The following SLC24A3 variants were observed in gnomAD, a reference collection of about 807,000 sequenced individuals.
The protein encoded by SLC24A3 is sodium/potassium/calcium exchanger 3.
SLC24A3 carries 28 observed loss-of-function variants against 75.8 expected under a neutral mutation model. The ratio of observed to expected loss-of-function variants is 0.37; its 90% CI spans 0.27 to 0.51. The LOEUF (loss-of-function observed/expected upper bound fraction) is 0.51. SLC24A3 is among the 20% of genes least tolerant of loss of function. The pLI is 0.94. For missense variants in SLC24A3, 663 were observed against 847.8 expected, an observed-to-expected ratio of 0.78 and a Z score of 2.71; for synonymous variants, 372 against 334.1, an observed-to-expected ratio of 1.11 and a Z score of -1.24.
At chr20:19,563,356 C>T (rs989696001) in intron 3 of SLC24A3, among the ~76,000 whole-genome samples, 1 of 152,060 alleles carries the variant, frequency 6.6e-6, no homozygotes, top group African/African-American at 2.4e-5. Context: ...CAAGAAGTTG[C>T]CTGCTTGAGA....
chr20:19,243,122 A>G (rs1385898612), intron 1 of SLC24A3, among the ~76,000 whole-genome samples: 1 of 152,140 alleles, frequency 6.6e-6, no homozygotes, highest in Non-Finnish European at 1.5e-5. Context: ...TAGGGCTTTT[A>G]CTCTCCAAAT....
chr20:19,595,459 T>A (rs2031440277), intron 6 of SLC24A3, among the ~76,000 whole-genome samples: 1 of 152,132 alleles, frequency 6.6e-6, no homozygotes, highest in Admixed American at 6.5e-5. Context: ...CAGGGACTAT[T>A]CTAGGGGTGC....
At chr20:19,288,920 G>C (rs1983876270) in intron 2 of SLC24A3, among the ~76,000 whole-genome samples, 1 of 152,222 alleles carries the variant, frequency 6.6e-6, no homozygotes, top group Admixed American at 6.5e-5. Context: ...GCTGAATTGA[G>C]TAGTTGCAAC....
At chr20:19,510,324 G>A (rs1043146284) in intron 2 of SLC24A3, among the ~76,000 whole-genome samples, 2 of 152,206 alleles carry the variant, frequency 1.3e-5, no homozygotes, top group African/African-American at 4.8e-5. Context: ...CTTAATAACA[G>A]TTTATCCTGA....
chr20:19,621,563 A>G (rs193244023), intron 6 of SLC24A3, among the ~76,000 whole-genome samples: 34 of 152,266 alleles, frequency 2.2e-4, no homozygotes, highest in Admixed American at 1.3e-4. Context: ...CATGTCCCTT[A>G]GGTATGTCCC....
At chr20:19,484,974 C>T (rs1988108871) in intron 2 of SLC24A3, among the ~76,000 whole-genome samples, 1 of 152,140 alleles carries the variant, frequency 6.6e-6, no homozygotes, top group Non-Finnish European at 1.5e-5. Flanking sequence ...CCCTGGACAG[C>T]ATTTTTCTTG....
intron 3 of SLC24A3, among the ~76,000 whole-genome samples, chr20:19,574,766 G>T (rs936604411): frequency 6.6e-6 from 1 of 152,218 alleles, no homozygotes; most frequent in African/African-American, 2.4e-5. Flanking sequence ...GGAGCATGCT[G>T]TGACGAGGCC....
At chr20:19,477,161 G>A (rs1278844677) in intron 2 of SLC24A3, among the ~76,000 whole-genome samples, 1 of 152,044 alleles carries the variant, frequency 6.6e-6, no homozygotes, top group Non-Finnish European at 1.5e-5. Flanking sequence ...CTTTATAATG[G>A]ATCCAGCAGG....
At chr20:19,364,115 C>T (rs1253986189) in intron 2 of SLC24A3, among the ~76,000 whole-genome samples, 1 of 152,094 alleles carries the variant, frequency 6.6e-6, no homozygotes, top group Non-Finnish European at 1.5e-5. Context: ...TGTCCCACAG[C>T]CTGGGGTGGT....
chr20:19,361,440 G>C (rs929299904), intron 2 of SLC24A3, among the ~76,000 whole-genome samples: 5 of 152,294 alleles, frequency 3.3e-5, no homozygotes, highest in Middle Eastern at 3.4e-3. Flanking sequence ...ACTGCAGAGG[G>C]AAGAAAAGGA....
chr20:19,409,240 GA>G (rs1986703099), intron 2 of SLC24A3, among the ~76,000 whole-genome samples: 2 of 152,292 alleles, frequency 1.3e-5, no homozygotes, highest in South Asian at 4.1e-4. Flanking sequence ...CCCTTCCCAG[GA>G]AGAGGCGCAG....
chr20:19,512,721 C>T (rs1314720974), intron 2 of SLC24A3, among the ~76,000 whole-genome samples: 1 of 152,196 alleles, frequency 6.6e-6, no homozygotes, highest in Non-Finnish European at 1.5e-5. Flanking sequence ...TGGGGAGAAC[C>T]CAGTGCAGAC....
intron 1 of SLC24A3, among the ~76,000 whole-genome samples, chr20:19,235,521 A>G (rs1426411156): frequency 6.6e-6 from 1 of 152,182 alleles, no homozygotes; most frequent in African/African-American, 2.4e-5. Context: ...TCATCAGAGC[A>G]GCGTCTGGGA....
At chr20:19,345,611 T>C (rs1985374919) in intron 2 of SLC24A3, among the ~76,000 whole-genome samples, 1 of 151,884 alleles carries the variant, frequency 6.6e-6, no homozygotes, top group Non-Finnish European at 1.5e-5. Context: ...AACAATCCCA[T>C]CAAAAAGTGG....
At chr20:19,543,840 C>T (rs987063598) in intron 3 of SLC24A3, among the ~76,000 whole-genome samples, 1 of 152,200 alleles carries the variant, frequency 6.6e-6, no homozygotes, top group Non-Finnish European at 1.5e-5. Context: ...GCCTCGGGTA[C>T]AATTTATGGC....
intron 2 of SLC24A3, among the ~76,000 whole-genome samples, chr20:19,485,589 G>A (rs944251168): frequency 6.6e-6 from 1 of 152,074 alleles, no homozygotes; most frequent in South Asian, 2.1e-4. Flanking sequence ...GAAAGCATGT[G>A]TTATTTATTT....
chr20:19,633,901 A>G (rs934178015), intron 6 of SLC24A3, among the ~76,000 whole-genome samples: 5 of 152,156 alleles, frequency 3.3e-5, no homozygotes, highest in African/African-American at 7.2e-5. Context: ...AGTCCCTAGA[A>G]TGATGCCTGG....
chr20:19,586,876 A>C (rs892623019), intron 6 of SLC24A3, among the ~76,000 whole-genome samples: 1 of 152,182 alleles, frequency 6.6e-6, no homozygotes, highest in Non-Finnish European at 1.5e-5. Flanking sequence ...CCCTCTTCTC[A>C]TCCTCTCAGT....
chr20:19,611,829 C>A (rs2031674135), intron 6 of SLC24A3, among the ~76,000 whole-genome samples: 1 of 152,218 alleles, frequency 6.6e-6, no homozygotes, highest in Admixed American at 6.5e-5. Context: ...CTGAGTCTAA[C>A]ACTGACCCTT....
Sources: allele counts gnomAD v4.1 joint callset (sites outside exome capture counted in the v4.1 genomes callset), GRCh38; gene constraint gnomAD v4.1.1; transcripts MANE v1.5; gene names NCBI Gene and HGNC (gene_info 2026-07-23, HGNC 2026-07-21).